Variants in FARS2 observed in about 807,000 individuals in gnomAD.
FARS2 encodes phenylalanine--tRNA ligase, mitochondrial.
A neutral mutation model predicts 46.4 loss-of-function variants in FARS2; 40 were observed. The ratio of observed to expected loss-of-function variants is 0.86; its 90% CI spans 0.67 to 1.12. FARS2 has a LOEUF of 1.12. Among genes scored for constraint, FARS2 ranks in the 50% most tolerant of loss-of-function variants. The probability of loss-of-function intolerance (pLI) is 0.00; values close to 1 mark genes in which losing one functional copy is unlikely to be tolerated. For missense variants in FARS2, 513 were observed against 567.9 expected, an observed-to-expected ratio of 0.90 and a Z score of 0.98; for synonymous variants, 234 against 214.9, an observed-to-expected ratio of 1.09 and a Z score of -0.78.
At chr6:5,724,039 G>T (rs557331580) in intron 6 of FARS2, among the ~76,000 whole-genome samples, 1 of 152,222 alleles carries the variant, frequency 6.6e-6, no homozygotes, top group South Asian at 2.1e-4. Flanking sequence ...AGGAAGGGCC[G>T]CCCCAGTGGG....
rs150532249 is a variant in FARS2 at position 5,333,755 on chromosome 6, C to T, written c.-21-34795C>T. Among the ~76,000 whole-genome samples the T allele has an allele frequency of 4.1e-4, 62 of 152,258 alleles. 1 individual carries two copies. In the East Asian group the frequency reaches 0.011, roughly 27 times the overall value. ...CTGGCCTGTTTGTATTTTGGGCAGT[C>T]GCTAGCCAGGTGTTAGACCTATAAT... is the stretch of plus-strand genomic sequence containing the variant. On this transcript the variant is annotated intron_variant, in intron 1 of 6. Transcript: ENST00000274680.
chr6:5,319,255 C>T (rs1475080073), intron 1 of FARS2, among the ~76,000 whole-genome samples: 1 of 152,180 alleles, frequency 6.6e-6, no homozygotes, highest in East Asian at 1.9e-4. Flanking sequence ...TGTTGAGGAG[C>T]AGCTTCCTGA....
intron 6 of FARS2, among the ~76,000 whole-genome samples, chr6:5,711,789 T>C (rs538511240): frequency 6.6e-6 from 1 of 152,132 alleles, no homozygotes; most frequent in South Asian, 2.1e-4. Context: ...CTAAATGCAG[T>C]GTGGGATCCT....
rs962585526 is a variant in FARS2 at position 5,664,954 on chromosome 6, G to A, written c.1217+51634G>A. 8 of 152,148 alleles carry A rather than the reference G, an allele frequency of 5.3e-5. No individual in the cohort carries two copies. The South Asian group carries it at 6.2e-4, about 12-fold the overall frequency. 9.4% of individuals were successfully genotyped at this position (152,148 alleles called of 1,614,324 possible). On this transcript the variant is annotated intron_variant, in intron 6 of 6. Transcript: ENST00000274680. ...TCCTTTCATATACAGTGATGCTGAG[G>A]CATTTTTTCATTTGTTTGTTTTATT... is the stretch of plus-strand genomic sequence containing the variant.
intron 1 of FARS2, among the ~76,000 whole-genome samples, chr6:5,334,554 A>G (rs1482653915): frequency 1.3e-5 from 2 of 152,210 alleles, no homozygotes; most frequent in African/African-American, 2.4e-5. Context: ...GTAGATCGCT[A>G]TGCACTACTG....
intron 3 of FARS2, among the ~76,000 whole-genome samples, chr6:5,421,599 T>C (rs183106636): frequency 1.1e-3 from 167 of 152,346 alleles, no homozygotes; most frequent in Middle Eastern, 6.8e-3. Flanking sequence ...AAGTCACCTC[T>C]TGAATGCTTT....
intron 6 of FARS2, among the ~76,000 whole-genome samples, chr6:5,753,899 G>A (rs2150968110): frequency 6.6e-6 from 1 of 152,272 alleles, no homozygotes; most frequent in South Asian, 2.1e-4. Context: ...GGGCTCACAG[G>A]CCAGGAATAG....
At chr6:5,554,108 A>G (rs1349151978) in intron 5 of FARS2, among the ~76,000 whole-genome samples, 2 of 152,164 alleles carry the variant, frequency 1.3e-5, no homozygotes, top group Non-Finnish European at 2.9e-5. Flanking sequence ...CAACAGTTGT[A>G]AAACTATTAC....
chr6:5,423,435 T>G (rs1762671792), intron 3 of FARS2, among the ~76,000 whole-genome samples: 1 of 152,002 alleles, frequency 6.6e-6, no homozygotes, highest in Non-Finnish European at 1.5e-5. Context: ...AGGATCCCTG[T>G]GTAGAGGAGT....
chr6:5,512,459 C>T (rs1422767889), intron 4 of FARS2, among the ~76,000 whole-genome samples: 3 of 152,006 alleles, frequency 2.0e-5, no homozygotes, highest in African/African-American at 7.3e-5. Context: ...TGTTCATGTT[C>T]CTGAAGGAAA....
In FARS2 at chr6:5,446,758, A is replaced by G. The variant is rs191315527; in HGVS notation, c.904+15586A>G. Among the ~76,000 whole-genome samples, 6 of 152,050 alleles carry G rather than the reference A, an allele frequency of 3.9e-5. No individual in the cohort carries two copies. The East Asian group carries it at 1.2e-3, about 29-fold the overall frequency. ...GTGTATATTTAAGGTATACAACATGATGTTATAAGATATATATATATAGTA... is the reference window on the plus strand; with the variant it reads ...GTGTATATTTAAGGTATACAACATGGTGTTATAAGATATATATATATAGTA... On this transcript the variant is annotated intron_variant, in intron 4 of 6. Coordinates refer to ENST00000274680, the MANE Select transcript of FARS2 (RefSeq NM_006567.5).
At chr6:5,434,722 A>G (rs111270221) in intron 4 of FARS2, among the ~76,000 whole-genome samples, 4 of 151,910 alleles carry the variant, frequency 2.6e-5, no homozygotes, top group African/African-American at 9.7e-5. Flanking sequence ...TATTCTTTCC[A>G]TCTCTTCTTC....
chr6:5,672,818 T>C (rs537091017), intron 6 of FARS2, among the ~76,000 whole-genome samples: 1 of 152,286 alleles, frequency 6.6e-6, no homozygotes, highest in South Asian at 2.1e-4. Context: ...TGTGTTCCTC[T>C]CTGTTCTTTC....
At chr6:5,571,524 C>T (rs1265826772) in intron 5 of FARS2, among the ~76,000 whole-genome samples, 1 of 152,148 alleles carries the variant, frequency 6.6e-6, no homozygotes, top group African/African-American at 2.4e-5. Context: ...GTTGGCCTTT[C>T]CAGAGATGGC....
intron 4 of FARS2, among the ~76,000 whole-genome samples, chr6:5,497,542 T>A (rs1767545137): frequency 6.6e-6 from 1 of 152,238 alleles, no homozygotes. Flanking sequence ...ATTTCATTAA[T>A]AATAGAAATA....
rs56248218 is a variant in FARS2 at position 5,578,808 on chromosome 6, CAAAAA to C, written c.1065+33489_1065+33493del. On this transcript the variant is annotated intron_variant, in intron 5 of 6. Transcript: ENST00000274680. Reference sequence around the variant, plus strand: ...TGGAAGACAGAGCGGCACTCCGTCTCAAAAAAAAAAAAAAAAAAAAAAAAACAAAA... The same window carrying C: ...TGGAAGACAGAGCGGCACTCCGTCTCAAAAAAAAAAAAAAAAAAAACAAAA... Among the ~76,000 whole-genome samples, 124 of 124,356 alleles carry C rather than the reference CAAAAA, an allele frequency of 1.0e-3. 2 individuals carry two copies. The highest frequency in any genetic ancestry group is 1.2e-3 in the South Asian group (5 of 4,016). 81.6% of individuals were successfully genotyped at this position (124,356 alleles called of 152,430 possible).
chr6:5,314,607 G>C (rs1244057537), intron 1 of FARS2, among the ~76,000 whole-genome samples: 1 of 152,170 alleles, frequency 6.6e-6, no homozygotes, highest in Non-Finnish European at 1.5e-5. Context: ...TTCCTCCTCA[G>C]TTTGAGTGGG....
chr6:5,446,202 T>TAA (rs1277761196), intron 4 of FARS2, among the ~76,000 whole-genome samples: 3 of 136,170 alleles, frequency 2.2e-5, no homozygotes, highest in Admixed American at 7.4e-5. Flanking sequence ...GACTCCATCT[T>TAA]AAAAAAAAAA....
At chr6:5,336,348 G>C (rs1396548753) in intron 1 of FARS2, among the ~76,000 whole-genome samples, 1 of 151,470 alleles carries the variant, frequency 6.6e-6, no homozygotes, top group Non-Finnish European at 1.5e-5. Context: ...TAAAAGTCTC[G>C]GTGACTTTAT....
Sources: allele counts gnomAD v4.1 joint callset (sites outside exome capture counted in the v4.1 genomes callset), GRCh38; gene constraint gnomAD v4.1.1; transcripts MANE v1.5; gene names NCBI Gene and HGNC (gene_info 2026-07-23, HGNC 2026-07-21).